CRB1: variants seen among roughly 807,000 people sequenced by gnomAD.
CRB1 encodes the protein protein crumbs homolog 1.
CRB1 carries 83 observed loss-of-function variants against 120.0 expected under a neutral mutation model. That is an observed-to-expected ratio of 0.69 (90% CI 0.58 to 0.83). The LOEUF is 0.83. Among genes scored for constraint, CRB1 ranks in the 40% least tolerant of loss-of-function variants. The probability of loss-of-function intolerance (pLI) is 0.00; values close to 1 mark genes in which losing one functional copy is unlikely to be tolerated. For synonymous variants in CRB1, 625 were observed against 612.5 expected, an observed-to-expected ratio of 1.02 and a Z score of -0.30; for missense variants, 1,699 against 1,687.6, an observed-to-expected ratio of 1.01 and a Z score of -0.12.
intron 5 of CRB1, among the ~76,000 whole-genome samples, chr1:197,365,626 CTT>C (rs375542477): frequency 1.4e-4 from 17 of 121,806 alleles, no homozygotes; most frequent in Admixed American, 4.1e-4. Flanking sequence ...TCTTCTTCTT[CTT>C]TTTTTTTTTT....
intron 1 of CRB1, among the ~76,000 whole-genome samples, chr1:197,301,112 T>C (rs1656836321): frequency 6.6e-6 from 1 of 151,626 alleles, no homozygotes; most frequent in Admixed American, 6.6e-5. Flanking sequence ...TGGGCAAGGA[T>C]GTGAATGTTT....
In CRB1 at chr1:197,477,655, T is replaced by C; in HGVS notation, c.4006-9T>C. On this transcript the variant is annotated splice_polypyrimidine_tract_variant and intron_variant, in intron 11 of 11. Transcript: ENST00000367400. ...AGAATTCGCATCCCAATGATTTCAA[T>C]CTTTCCAGTTGGCAGATGACTTGAT... 2 of 1,613,058 alleles carry C rather than the reference T, an allele frequency of 1.2e-6. No homozygotes were observed.
intron 1 of CRB1, among the ~76,000 whole-genome samples, chr1:197,299,748 A>C (rs752071937): frequency 6.6e-6 from 1 of 150,522 alleles, no homozygotes; most frequent in Non-Finnish European, 1.5e-5. Context: ...CAAAAAAGGC[A>C]GGACTCCATA....
the CRB1 span, chr1:197,222,518 G>C: frequency 5.2e-6 from 4 of 768,074 alleles, no homozygotes; most frequent in Admixed American, 3.4e-5. Context: ...ATGCAGTTCC[G>C]TTTGGTCTTG....
At chr1:197,238,533 T>A in the CRB1 span, among the ~76,000 whole-genome samples, 1 of 152,138 alleles carries the variant, frequency 6.6e-6, no homozygotes, top group Non-Finnish European at 1.5e-5. Context: ...ATTGTATATG[T>A]TTATCCTACA....
chr1:197,453,823 TA>T (rs1170359283), intron 11 of CRB1, among the ~76,000 whole-genome samples: 1 of 143,370 alleles, frequency 7.0e-6, no homozygotes, highest in Non-Finnish European at 1.5e-5. Context: ...TGTTAATTAT[TA>T]ATTATTAATA....
rs181703613 is a variant in CRB1 at position 197,319,826 on chromosome 1, C to T, written c.71-8596C>T. ...TTTTGGTGGTTACTATAGCAATAAT[C>T]ATGATGGGAGATTTTTAGCCGCAAG... On this transcript the variant is annotated intron_variant, in intron 1 of 11. Coordinates refer to ENST00000367400, the MANE Select transcript of CRB1 (RefSeq NM_201253.3). Among the ~76,000 whole-genome samples, 807 of 152,166 alleles carry T rather than the reference C, an allele frequency of 5.3e-3. 4 individuals carry two copies. Among genetic ancestry groups the T allele is most frequent in the Non-Finnish European group, 7.7e-3 (521 of 67,998 alleles).
intron 5 of CRB1, among the ~76,000 whole-genome samples, chr1:197,379,993 A>T (rs560940764): frequency 1.3e-5 from 2 of 152,326 alleles, no homozygotes; most frequent in South Asian, 4.1e-4. Flanking sequence ...TTTCTTTCAT[A>T]TTCTTTAATA....
At chr1:197,397,187 T>C (rs1191805594) in intron 5 of CRB1, among the ~76,000 whole-genome samples, 1 of 152,114 alleles carries the variant, frequency 6.6e-6, no homozygotes, top group Non-Finnish European at 1.5e-5. Context: ...ATACTCAATA[T>C]CAATAACATG....
In CRB1 at chr1:197,435,232, G is replaced by A. The variant is rs1005554368; in HGVS notation, c.3369G>A (p.Glu1123=). Residue 1123 remains glutamate (E), a synonymous_variant, in exon 9 of 12, where the codon GAG becomes GAA. Transcript: ENST00000367400. ...VHGFINKPQE[E]QFLKISTNSV... is the part of the protein sequence containing the mutation. Reference sequence around the variant, plus strand: ...GTTTCATTAATAAACCTCAGGAAGAGCAATTTCTCAAAATCTCTACCAATT... The same window carrying A: ...GTTTCATTAATAAACCTCAGGAAGAACAATTTCTCAAAATCTCTACCAATT... 2 of 1,613,866 alleles carry A rather than the reference G, an allele frequency of 1.2e-6. No individual in the cohort carries two copies. Among genetic ancestry groups the A allele is most frequent in the South Asian group, 1.1e-5 (1 of 91,084 alleles).
intron 1 of CRB1, among the ~76,000 whole-genome samples, chr1:197,280,139 C>T (rs2125217308): frequency 6.6e-6 from 1 of 151,952 alleles, no homozygotes; most frequent in South Asian, 2.1e-4. Context: ...ATACCAGCGT[C>T]ACCATTCATA....
chr1:197,217,500 T>C, the CRB1 span, among the ~76,000 whole-genome samples: 1 of 152,096 alleles, frequency 6.6e-6, no homozygotes, highest in African/African-American at 2.4e-5. Context: ...TAAAAAGGAA[T>C]AAAATACTGA....
chr1:197,324,256 A>G (rs1658369033), intron 1 of CRB1, among the ~76,000 whole-genome samples: 1 of 151,912 alleles, frequency 6.6e-6, no homozygotes, highest in Admixed American at 6.6e-5. Flanking sequence ...ATTTCTCAGA[A>G]CCCCCAAAAC....
At chr1:197,405,840 G>T (rs1234471967) in intron 5 of CRB1, among the ~76,000 whole-genome samples, 1 of 151,350 alleles carries the variant, frequency 6.6e-6, no homozygotes, top group Non-Finnish European at 1.5e-5. Context: ...CCTCCACCTG[G>T]CAGCCACCCC....
At chr1:197,236,965 A>G in the CRB1 span, among the ~76,000 whole-genome samples, 1 of 152,016 alleles carries the variant, frequency 6.6e-6, no homozygotes, top group African/African-American at 2.4e-5. Flanking sequence ...TTAGGGAGAA[A>G]TATTGGCCCA....
At chr1:197,310,988 A>G (rs1002893772) in intron 1 of CRB1, among the ~76,000 whole-genome samples, 1 of 152,222 alleles carries the variant, frequency 6.6e-6, no homozygotes, top group Non-Finnish European at 1.5e-5. Flanking sequence ...CCTGCCATTC[A>G]TCTGACATAG....
the CRB1 span, among the ~76,000 whole-genome samples, chr1:197,207,315 T>A: frequency 1.1e-4 from 16 of 152,160 alleles, no homozygotes; most frequent in African/African-American, 3.9e-4. Context: ...TTATAGGTAC[T>A]GTGAGATTTA....
chr1:197,216,839 C>A, the CRB1 span, among the ~76,000 whole-genome samples: 1 of 152,084 alleles, frequency 6.6e-6, no homozygotes, highest in Non-Finnish European at 1.5e-5. Flanking sequence ...AACATTTACT[C>A]TATGATCTTC....
chr1:197,405,938 T>G (rs1220918460), intron 5 of CRB1, among the ~76,000 whole-genome samples: 3 of 146,506 alleles, frequency 2.0e-5, no homozygotes, highest in African/African-American at 2.5e-5. Context: ...AGCCGTCCCG[T>G]CCGGGAGGGA....
Sources: allele counts gnomAD v4.1 joint callset (sites outside exome capture counted in the v4.1 genomes callset), GRCh38; gene constraint gnomAD v4.1.1; transcripts MANE v1.5; gene names NCBI Gene and HGNC (gene_info 2026-07-23, HGNC 2026-07-21).